GTPBP6: variants seen among roughly 807,000 people sequenced by gnomAD.
GTPBP6 encodes the protein putative GTP-binding protein 6.
A neutral mutation model predicts 28.9 loss-of-function variants in GTPBP6; 33 were observed. The ratio of observed to expected loss-of-function variants is 1.14; its 90% CI spans 0.87 to 1.53. The LOEUF (loss-of-function observed/expected upper bound fraction) is 1.53. Ranked by LOEUF, GTPBP6 falls within the 40% of genes most tolerant of loss-of-function variation. The probability of loss-of-function intolerance (pLI) is 0.00; values close to 1 mark genes in which losing one functional copy is unlikely to be tolerated. For missense variants in GTPBP6, 507 were observed against 408.3 expected, an observed-to-expected ratio of 1.24 and a Z score of -2.08; for synonymous variants, 231 against 192.7, an observed-to-expected ratio of 1.20 and a Z score of -1.65.
chrX:313,680 C>T (rs1357954537), intron 5 of GTPBP6, among the ~76,000 whole-genome samples: 4 of 151,616 alleles, frequency 2.6e-5, no homozygotes, highest in African/African-American at 7.3e-5. Context: ...GAAGAGGAGA[C>T]ACAGACACAG....
At position 305,193 on chromosome X, in the gene GTPBP6, G is replaced by A. The variant is rs1341652536; in HGVS notation, c.1432C>T (p.Leu478=). 7 of 1,612,720 alleles carry A rather than the reference G, an allele frequency of 4.3e-6. No homozygotes were observed. The African/African-American group carries it at 9.3e-5, about 22-fold the overall frequency. ...TCCTGAACTGTGGCCTCCTTATACA[G>A]CCAGCTGGGCACAGATGCGCGTTGT... is the stretch of plus-strand genomic sequence containing the variant. The change falls in exon 10 of 10, where the codon CTG becomes TTG. Residue 478 remains leucine, a synonymous_variant. Coordinates refer to ENST00000326153, the Ensembl canonical transcript of GTPBP6.
chrX:317,841 AATG>A (rs2070469033), intron 1 of GTPBP6, among the ~76,000 whole-genome samples: 1 of 102,620 alleles, frequency 9.7e-6, no homozygotes, highest in Admixed American at 1.0e-4. Flanking sequence ...CACCTCCACC[AATG>A]ATATCCTCCC....
Position 307,723 on chromosome X carries a change from C to T in GTPBP6, c.1274+9G>A, listed in dbSNP as rs369837118. 2.4e-4 allele frequency: 354 copies of T among 1,470,404 alleles called. 1 individual carries two copies. In the Middle Eastern group the frequency reaches 4.1e-3, roughly 17 times the overall value. 91.1% of individuals were successfully genotyped at this position (1,470,404 alleles called of 1,614,324 possible). ...AGGAGACGCTTGCGGACCCCAGGGC[C>T]GGACTCACCCGGGCACGAGGTCCAC... is the stretch of plus-strand genomic sequence containing the variant. On this transcript the variant is annotated intron_variant, in intron 8 of 9. Coordinates refer to ENST00000326153, the Ensembl canonical transcript of GTPBP6.
At chrX:311,562 C>T in exon 7 of GTPBP6, 1 of 1,612,388 alleles carries the variant, frequency 6.2e-7, no homozygotes, top group Non-Finnish European at 8.5e-7. Context: ...TCCAGCGTGG[C>T]AAACAGCTGG....
intron 5 of GTPBP6, among the ~76,000 whole-genome samples, chrX:313,160 C>G (rs182568938): frequency 1.3e-5 from 2 of 152,214 alleles, no homozygotes; most frequent in African/African-American, 4.8e-5. Context: ...GAGGGCTTCC[C>G]GTGACTCGGG....
At chrX:311,932 AGATGGTGG>A in intron 6 of GTPBP6, 1 of 580,950 alleles carries the variant, frequency 1.7e-6, no homozygotes, top group South Asian at 1.9e-5. Flanking sequence ...GCAATGGCGT[AGATGGTGG>A]GATGGTGTAG....
chrX:318,793 G>T, exon 1 of GTPBP6: 1 of 305,772 alleles, frequency 3.3e-6, no homozygotes. Flanking sequence ...CACATGGCGC[G>T]TCTGGAGGCT....
At position 312,099 on chromosome X, in the gene GTPBP6, G is replaced by A. The variant is rs181522176; in HGVS notation, c.917-472C>T. The A allele has an allele frequency of 1.3e-4, 57 of 453,484 alleles. No individual in the cohort carries two copies. In the East Asian group the frequency reaches 3.2e-3, roughly 25 times the overall value. 28.1% of individuals were successfully genotyped at this position (453,484 alleles called of 1,614,324 possible). A position where few individuals can be genotyped will look rare whatever the true frequency, so the allele number is the denominator to read the frequency against. ...GAGAGGCGATGGTGTAGACAGATGGGTGGATTGTATAGACGGGTGGTGGTA... is the reference window on the plus strand; with the variant it reads ...GAGAGGCGATGGTGTAGACAGATGGATGGATTGTATAGACGGGTGGTGGTA... On this transcript the variant is annotated intron_variant, in intron 6 of 9. Transcript: ENST00000326153.
chrX:311,749 G>C (rs1385448915), intron 6 of GTPBP6, 122 bp from the exon 7 acceptor site: 23 of 801,092 alleles, frequency 2.9e-5, no homozygotes, highest in South Asian at 2.1e-4. Flanking sequence ...CGGGCTACAC[G>C]GTCCCTGAGC....
Position 307,526 on chromosome X carries a change from GA to G in GTPBP6, c.1275-15del. On this transcript the variant is annotated splice_polypyrimidine_tract_variant and intron_variant, in intron 8 of 9. Coordinates refer to ENST00000326153, the Ensembl canonical transcript of GTPBP6. ...GTGGGGCTGTACCTGCAAGGGTGGGGATGTCACAGGCCCCGCTCAGCGTCGG... is the reference window on the plus strand; with the variant it reads ...GTGGGGCTGTACCTGCAAGGGTGGGGTGTCACAGGCCCCGCTCAGCGTCGG... 5 of 1,609,968 alleles carry G rather than the reference GA, an allele frequency of 3.1e-6. No homozygotes were observed. The highest frequency in any genetic ancestry group is 4.2e-6 in the Non-Finnish European group (5 of 1,179,086).
Position 315,174 on chromosome X carries a change from C to T in GTPBP6, c.558+55G>A, listed in dbSNP as rs1201810435. The T allele has an allele frequency of 8.7e-6, 3 of 345,322 alleles. No individual in the cohort carries two copies. In the Admixed American group the frequency reaches 1.8e-4, roughly 21 times the overall value. 21.4% of individuals were successfully genotyped at this position (345,322 alleles called of 1,614,324 possible). ...GCCTGGCCGGACGCCGTGGCGTCCCCTCCTTCATCGCGTGGAGTGCGGGGA... is the reference window on the plus strand; with the variant it reads ...GCCTGGCCGGACGCCGTGGCGTCCCTTCCTTCATCGCGTGGAGTGCGGGGA... On this transcript the variant is annotated intron_variant, in intron 3 of 9. Transcript: ENST00000326153.
intron 9 of GTPBP6, 124 bp from the exon 10 acceptor site, chrX:305,321 T>TTTG (rs1196507010): frequency 1.3e-6 from 1 of 773,262 alleles, no homozygotes; most frequent in African/African-American, 2.0e-5. Context: ...CCTGTTTCCT[T>TTTG]TTGTTTTTTT....
rs1359521530 is a variant in GTPBP6 at position 316,906 on chromosome X, G to A, written c.487+8C>T. 2 of 398,488 alleles carry A rather than the reference G, an allele frequency of 5.0e-6. No homozygotes were observed. The highest frequency in any genetic ancestry group is 4.4e-5 in the Admixed American group (1 of 22,708). 24.7% of individuals were successfully genotyped at this position (398,488 alleles called of 1,614,324 possible). On this transcript the variant is annotated splice_region_variant and intron_variant, in intron 2 of 9. Coordinates refer to ENST00000326153, the Ensembl canonical transcript of GTPBP6. The stretch of plus-strand genomic sequence containing the variant: ...GTTTGGGGAAGGAGCAGGTCTGGAC[G>A]GACCCACCTGTCAGGTGCTCAAAGT...
chrX:312,712 C>T, intron 6 of GTPBP6, 54 bp downstream of exon 6: 1 of 1,534,380 alleles, frequency 6.5e-7, no homozygotes, highest in Non-Finnish European at 8.8e-7. Context: ...CCGGGCGAGT[C>T]CTCACCGGTG....
intron 2 of GTPBP6, among the ~76,000 whole-genome samples, chrX:315,673 G>A (rs1281092458): frequency 2.7e-4 from 9 of 33,628 alleles, no homozygotes; most frequent in South Asian, 9.9e-4. Flanking sequence ...TCCCGGCAGG[G>A]ACACAAACAC....
intron 7 of GTPBP6, among the ~76,000 whole-genome samples, chrX:308,683 A>G (rs2070223100): frequency 6.6e-6 from 1 of 152,098 alleles, no homozygotes; most frequent in Non-Finnish European, 1.5e-5. Flanking sequence ...CTGTCTCTAA[A>G]GAAGAAAAGT....
At chrX:314,554 G>C (rs367723918) in intron 4 of GTPBP6, among the ~76,000 whole-genome samples, 7 of 151,612 alleles carry the variant, frequency 4.6e-5, no homozygotes, top group African/African-American at 1.5e-4. Flanking sequence ...CTCACTGCAA[G>C]CTCCACCTCT....
chrX:314,749 G>T (rs1210832083), intron 4 of GTPBP6, 141 bp downstream of exon 4: 100 of 404,794 alleles, frequency 2.5e-4, no homozygotes, highest in African/African-American at 7.6e-4. Flanking sequence ...GTGCTGGGAT[G>T]ACAGGCGTGA....
intron 2 of GTPBP6, among the ~76,000 whole-genome samples, chrX:315,553 GACACAC>G (rs1215331200): frequency 0.061 from 6,764 of 110,276 alleles, 430 homozygotes; most frequent in African/African-American, 0.16. Context: ...TACACACGCA[GACACAC>G]ACACACACAC....
Sources: gnomAD v4.1 joint callset for allele counts (sites outside exome capture counted in the v4.1 genomes callset) on GRCh38, gnomAD v4.1.1 for gene constraint, MANE v1.5 for transcripts, NCBI Gene and HGNC (gene_info 2026-07-23, HGNC 2026-07-21) for gene names.